Variants in RNGTT observed in about 807,000 individuals in gnomAD.
The protein encoded by RNGTT is RNA guanylyltransferase and 5'-phosphatase, also known as mRNA-capping enzyme.
In RNGTT, 33 loss-of-function variants were observed where a neutral mutation model predicts 79.3. The observed-to-expected ratio is 0.42, with a 90% CI of 0.32 to 0.56. RNGTT has a LOEUF of 0.56. RNGTT is among the 20% of genes least tolerant of loss of function. The pLI is 0.17. For synonymous variants in RNGTT, 222 were observed against 235.9 expected, an observed-to-expected ratio of 0.94 and a Z score of 0.54; for missense variants, 497 against 739.1, an observed-to-expected ratio of 0.67 and a Z score of 3.80.
intron 13 of RNGTT, among the ~76,000 whole-genome samples, chr6:88,729,898 G>C (rs1419870160): frequency 1.3e-5 from 2 of 152,142 alleles, no homozygotes; most frequent in Non-Finnish European, 2.9e-5. Flanking sequence ...AAATGGAAAA[G>C]AATAATATCC....
chr6:88,793,752 C>T (rs935120027), intron 12 of RNGTT, among the ~76,000 whole-genome samples: 6 of 152,054 alleles, frequency 3.9e-5, no homozygotes, highest in East Asian at 1.9e-4. Context: ...GCCAAGTCTG[C>T]GCCACTGCAT....
At chr6:88,953,151 G>A (rs550612085) in intron 1 of RNGTT, among the ~76,000 whole-genome samples, 1 of 152,198 alleles carries the variant, frequency 6.6e-6, no homozygotes, top group Non-Finnish European at 1.5e-5. Context: ...AAAGAATTCA[G>A]AAGGTTGATT....
Position 88,839,710 on chromosome 6 carries a change from G to A in RNGTT, c.1269+4647C>T, listed in dbSNP as rs539044534. On this transcript the variant is annotated intron_variant, in intron 11 of 15. Transcript: ENST00000369485. The stretch of plus-strand genomic sequence containing the variant: ...ACTGAGAAGGTGATAAATGGATGGG[G>A]AGCTTTCAGAGAAACTTTTTACTGC... Among the ~76,000 whole-genome samples the A allele has an allele frequency of 1.2e-3, 190 of 152,336 alleles. 3 individuals carry two copies. Among genetic ancestry groups the A allele is most frequent in the African/African-American group, 4.4e-3 (184 of 41,566 alleles).
chr6:88,791,286 T>C (rs1779400130), intron 12 of RNGTT, among the ~76,000 whole-genome samples: 1 of 151,840 alleles, frequency 6.6e-6, no homozygotes, highest in African/African-American at 2.4e-5. Flanking sequence ...TACAGGTGTG[T>C]GCCACCATGC....
In RNGTT at chr6:88,692,461, A is replaced by T. The variant is rs538486085; in HGVS notation, c.1440-14042T>A. ...AACAAAATAATACTCAGCAAAAAAAAAAAGGGCTATTGATAAATGTGACAG... is the reference window on the plus strand; with the variant it reads ...AACAAAATAATACTCAGCAAAAAAATAAAGGGCTATTGATAAATGTGACAG... On this transcript the variant is annotated intron_variant, in intron 13 of 15. Coordinates refer to ENST00000369485, the MANE Select transcript of RNGTT (RefSeq NM_003800.5). Among the ~76,000 whole-genome samples the T allele has an allele frequency of 4.6e-5, 7 of 152,322 alleles. No individual in the cohort carries two copies. The East Asian group carries it at 1.2e-3, about 25-fold the overall frequency.
intron 8 of RNGTT, among the ~76,000 whole-genome samples, chr6:88,868,333 T>C (rs1037119356): frequency 4.6e-5 from 7 of 152,210 alleles, no homozygotes; most frequent in African/African-American, 1.4e-4. Flanking sequence ...CAGAAGCTTA[T>C]GGCTTAGCAA....
rs189855156 is a variant in RNGTT at position 88,940,610 on chromosome 6, A to G, written c.174+461T>C. Among the ~76,000 whole-genome samples, 232 of 152,308 alleles carry G rather than the reference A, an allele frequency of 1.5e-3. 1 individual carries two copies. Among genetic ancestry groups the G allele is most frequent in the Middle Eastern group, 3.4e-3 (1 of 294 alleles). On this transcript the variant is annotated intron_variant, in intron 2 of 15. Transcript: ENST00000369485. ...CTGGGGGCTGGGATGTCAGGTGGGCATTCTCTTAAATGGAAAAACTACACA... is the reference window on the plus strand; with the variant it reads ...CTGGGGGCTGGGATGTCAGGTGGGCGTTCTCTTAAATGGAAAAACTACACA...
intron 12 of RNGTT, among the ~76,000 whole-genome samples, chr6:88,791,684 C>T (rs940507549): frequency 1.2e-4 from 18 of 151,970 alleles, no homozygotes; most frequent in African/African-American, 3.9e-4. Flanking sequence ...GGACCACAGG[C>T]GCCCACCACC....
At chr6:88,883,658 C>T (rs553240695) in intron 8 of RNGTT, among the ~76,000 whole-genome samples, 1 of 152,144 alleles carries the variant, frequency 6.6e-6, no homozygotes, top group African/African-American at 2.4e-5. Flanking sequence ...TTTAAAAAGT[C>T]TTCCAGATTA....
intron 14 of RNGTT, among the ~76,000 whole-genome samples, chr6:88,615,420 T>C (rs1166535174): frequency 1.3e-5 from 2 of 152,184 alleles, no homozygotes; most frequent in Non-Finnish European, 2.9e-5. Flanking sequence ...CCTTTCCCTT[T>C]ACATTTGATT....
chr6:88,649,195 A>G (rs771710909), intron 14 of RNGTT, among the ~76,000 whole-genome samples: 3 of 152,200 alleles, frequency 2.0e-5, no homozygotes, highest in Non-Finnish European at 4.4e-5. Context: ...CTAGCAGGTA[A>G]ATTTTGAGAC....
chr6:88,911,880 G>A (rs1316552123), intron 4 of RNGTT, among the ~76,000 whole-genome samples: 1 of 151,990 alleles, frequency 6.6e-6, no homozygotes, highest in Non-Finnish European at 1.5e-5. Context: ...GAGGTCTAGA[G>A]TTCGAAACCA....
intron 8 of RNGTT, among the ~76,000 whole-genome samples, chr6:88,884,114 C>T (rs1402765376): frequency 6.6e-6 from 1 of 152,106 alleles, no homozygotes; most frequent in Non-Finnish European, 1.5e-5. Context: ...TCATATACAC[C>T]CAGCCTTCAA....
intron 8 of RNGTT, among the ~76,000 whole-genome samples, chr6:88,884,194 T>A (rs897731553): frequency 6.6e-6 from 1 of 152,186 alleles, no homozygotes; most frequent in Non-Finnish European, 1.5e-5. Context: ...GAAAGTCAGC[T>A]CACAGTTATT....
intron 1 of RNGTT, among the ~76,000 whole-genome samples, chr6:88,955,951 G>C (rs1785416085): frequency 7.1e-6 from 1 of 141,176 alleles, no homozygotes; most frequent in Non-Finnish European, 1.5e-5. Context: ...TGAGGCAGGA[G>C]AATCACTTGA....
chr6:88,900,500 G>A lies in RNGTT; in HGVS notation c.684+4215C>T, dbSNP rs188331643. Among the ~76,000 whole-genome samples, 20 of 152,220 alleles carry A rather than the reference G, an allele frequency of 1.3e-4. No individual in the cohort carries two copies. The East Asian group carries it at 3.9e-3, about 29-fold the overall frequency. On this transcript the variant is annotated intron_variant, in intron 6 of 15. Coordinates refer to ENST00000369485, the MANE Select transcript of RNGTT (RefSeq NM_003800.5). ...TGTAATCCCAGCACTTTCGGAGGTT[G>A]AGGCAGGTGGGTCACCTGAGGTCAG...
At chr6:88,841,990 G>A (rs1781309141) in intron 11 of RNGTT, among the ~76,000 whole-genome samples, 2 of 152,170 alleles carry the variant, frequency 1.3e-5, no homozygotes, top group African/African-American at 4.8e-5. Flanking sequence ...GATAAGGAGA[G>A]CAGAGCTTTA....
At chr6:88,715,857 A>C (rs557212867) in intron 13 of RNGTT, among the ~76,000 whole-genome samples, 28 of 152,364 alleles carry the variant, frequency 1.8e-4, no homozygotes, top group African/African-American at 6.5e-4. Context: ...TGAAACCATA[A>C]AAACCCTAGA....
chr6:88,688,820 C>T (rs1197518701), intron 13 of RNGTT, among the ~76,000 whole-genome samples: 2 of 152,142 alleles, frequency 1.3e-5, no homozygotes, highest in African/African-American at 4.8e-5. Flanking sequence ...AAGAACAACC[C>T]CTCCTCTTCC....
Sources: gnomAD v4.1 joint callset for allele counts (sites outside exome capture counted in the v4.1 genomes callset) on GRCh38, gnomAD v4.1.1 for gene constraint, MANE v1.5 for transcripts, NCBI Gene and HGNC (gene_info 2026-07-23, HGNC 2026-07-21) for gene names.